CDYL2: variants seen among roughly 807,000 people sequenced by gnomAD.
CDYL2 encodes chromodomain Y-like protein 2.
Under a neutral mutation model 49.4 loss-of-function variants are expected in CDYL2, and 23 were observed. The observed-to-expected ratio is 0.47, with a 90% CI of 0.34 to 0.66. The LOEUF is 0.66. CDYL2 is among the 30% of genes least tolerant of loss of function. CDYL2 has a pLI of 0.01. For missense variants in CDYL2, 678 were observed against 656.4 expected, an observed-to-expected ratio of 1.03 and a Z score of -0.36; for synonymous variants, 360 against 268.8, an observed-to-expected ratio of 1.34 and a Z score of -3.32.
chr16:80,669,533 T>C (rs1267341554), intron 2 of CDYL2, among the ~76,000 whole-genome samples: 1 of 151,524 alleles, frequency 6.6e-6, no homozygotes, highest in African/African-American at 2.4e-5. Flanking sequence ...AACAGACAGG[T>C]GTAAGCGTGG....
At chr16:80,707,215 C>G (rs1026258776) in intron 1 of CDYL2, among the ~76,000 whole-genome samples, 1 of 152,134 alleles carries the variant, frequency 6.6e-6, no homozygotes, top group Non-Finnish European at 1.5e-5. Context: ...GTAATCTCAG[C>G]ACTTTGGGAG....
intron 1 of CDYL2, among the ~76,000 whole-genome samples, chr16:80,743,952 C>T (rs1374451360): frequency 6.6e-6 from 1 of 152,088 alleles, no homozygotes; most frequent in Non-Finnish European, 1.5e-5. Context: ...TTCCTCCTGC[C>T]TCTTCTGCTG....
intron 4 of CDYL2, among the ~76,000 whole-genome samples, chr16:80,618,240 T>A (rs1380538048): frequency 6.6e-6 from 1 of 152,194 alleles, no homozygotes; most frequent in Non-Finnish European, 1.5e-5. Context: ...CCAGAACTAC[T>A]CAGCTGGGAA....
chr16:80,791,519 C>A (rs1206190825), intron 1 of CDYL2, among the ~76,000 whole-genome samples: 1 of 152,086 alleles, frequency 6.6e-6, no homozygotes, highest in African/African-American at 2.4e-5. Flanking sequence ...AAAAGGGTTC[C>A]ACAGGAGCCC....
Position 80,685,118 on chromosome 16 carries a change from A to T in CDYL2, c.36T>A (p.Ile12=), listed in dbSNP as rs184795587. ...ASGDLYEVER[I]VDKRKNKKGK... is the part of the protein sequence containing the mutation. ...CTTTCTTGTTCTTCCTCTTGTCTACAATCCTTTCAACCTGCGATACAAGAT... is the reference window on the plus strand; with the variant it reads ...CTTTCTTGTTCTTCCTCTTGTCTACTATCCTTTCAACCTGCGATACAAGAT... The change falls in exon 2 of 7, where the codon ATT becomes ATA. Residue 12 remains isoleucine, a synonymous_variant. Transcript: ENST00000570137. The T allele has an allele frequency of 1.2e-6, 2 of 1,610,018 alleles. No individual in the cohort carries two copies. Among genetic ancestry groups the T allele is most frequent in the East Asian group, 2.2e-5 (1 of 44,832 alleles).
intron 1 of CDYL2, among the ~76,000 whole-genome samples, chr16:80,697,480 A>T (rs533705207): frequency 1.4e-4 from 21 of 152,296 alleles, no homozygotes; most frequent in African/African-American, 4.6e-4. Context: ...GAATCAGGAA[A>T]AGTTGGAAGC....
chr16:80,611,400 C>G (rs1188250439), intron 5 of CDYL2, among the ~76,000 whole-genome samples: 1 of 152,134 alleles, frequency 6.6e-6, no homozygotes, highest in African/African-American at 2.4e-5. Context: ...CCCATCAGAG[C>G]TGAATTCAGA....
chr16:80,715,677 T>C (rs942091649), intron 1 of CDYL2, among the ~76,000 whole-genome samples: 1 of 152,084 alleles, frequency 6.6e-6, no homozygotes, highest in African/African-American at 2.4e-5. Flanking sequence ...TTTAAAACCC[T>C]CCATTGCTCA....
chr16:80,739,897 A>G (rs1237123582), intron 1 of CDYL2, among the ~76,000 whole-genome samples: 1 of 152,176 alleles, frequency 6.6e-6, no homozygotes, highest in African/African-American at 2.4e-5. Flanking sequence ...GGCTATACCA[A>G]CAAAGCAGCC....
intron 2 of CDYL2, among the ~76,000 whole-genome samples, chr16:80,654,901 T>G (rs1015308748): frequency 1.3e-5 from 2 of 152,202 alleles, no homozygotes; most frequent in African/African-American, 2.4e-5. Context: ...ACAAGGCTTG[T>G]GTAGAGGGAG....
chr16:80,670,049 A>C (rs1909436427), intron 2 of CDYL2, among the ~76,000 whole-genome samples: 1 of 152,238 alleles, frequency 6.6e-6, no homozygotes, highest in African/African-American at 2.4e-5. Flanking sequence ...AACCTCATCA[A>C]GTAGCTCATG....
intron 1 of CDYL2, among the ~76,000 whole-genome samples, chr16:80,780,021 C>T (rs1006415288): frequency 3.3e-5 from 5 of 152,054 alleles, no homozygotes; most frequent in African/African-American, 7.2e-5. Flanking sequence ...CACATGAACA[C>T]CTATGACTGT....
chr16:80,614,463 T>A (rs983656370), intron 4 of CDYL2, among the ~76,000 whole-genome samples: 3 of 152,238 alleles, frequency 2.0e-5, no homozygotes, highest in African/African-American at 7.2e-5. Context: ...GAGTCACCAA[T>A]GGGAAGACAG....
At chr16:80,755,421 CAG>C (rs1430724249) in intron 1 of CDYL2, among the ~76,000 whole-genome samples, 3 of 152,166 alleles carry the variant, frequency 2.0e-5, no homozygotes, top group African/African-American at 7.2e-5. Flanking sequence ...AGTTTATCTG[CAG>C]AGAGACCTGA....
chr16:80,708,375 C>G (rs191579375), intron 1 of CDYL2, among the ~76,000 whole-genome samples: 19 of 152,300 alleles, frequency 1.2e-4, no homozygotes, highest in Non-Finnish European at 1.8e-4. Flanking sequence ...CACAAGCTCT[C>G]TTGCCTACCC....
In CDYL2 at chr16:80,612,640, G is replaced by T. The variant is rs186702168; in HGVS notation, c.1204C>A (p.Leu402Met). 70 of 1,609,582 alleles carry T rather than the reference G, an allele frequency of 4.3e-5. No homozygotes were observed. The Admixed American group carries it at 4.7e-4, about 11-fold the overall frequency. Reference protein sequence around the residue: ...GCSSYTFPQILGVALANEMLF... With the variant: ...GCSSYTFPQIMGVALANEMLF... ...AGGAGGCTTACCAGCGCGACGCCCA[G>T]GATCTGGGGGAAGGTGTAGGAGGAG... is the stretch of plus-strand genomic sequence containing the variant. The change falls in exon 5 of 7, where the codon CTG (leucine) becomes ATG (methionine). Residue 402 changes from leucine (L) to methionine (M), a missense_variant. By Grantham distance (15) the Leu-to-Met change is conservative (BLOSUM62 2). Transcript: ENST00000570137. This position sits in a 1 kb window ranked among gnomAD's most constrained non-coding sequence, Gnocchi z 5.0.
intron 5 of CDYL2, among the ~76,000 whole-genome samples, chr16:80,611,938 C>G (rs114438113): frequency 6.6e-6 from 1 of 152,210 alleles, no homozygotes; most frequent in Admixed American, 6.5e-5. Context: ...CCTGGTGACA[C>G]GACTTCTCTG....
Position 80,793,617 on chromosome 16 carries a change from A to G in CDYL2, c.24+10533T>C, listed in dbSNP as rs1907677179. On this transcript the variant is annotated intron_variant, in intron 1 of 6. Coordinates refer to ENST00000570137, the MANE Select transcript of CDYL2 (RefSeq NM_152342.4). ...CAGCAAAGTGCCACAAGCTTGGAAT[A>G]CAACCTTGGATAATACAGACATGGT... 2.0e-5 allele frequency among the ~76,000 whole-genome samples: 3 copies of G among 152,212 alleles called. No homozygotes were observed. In the South Asian group the frequency reaches 6.2e-4, roughly 32 times the overall value.
chr16:80,634,163 C>G lies in CDYL2; in HGVS notation c.617-927G>C, dbSNP rs182486720. 4.3e-4 allele frequency among the ~76,000 whole-genome samples: 66 copies of G among 151,904 alleles called. 1 individual carries two copies. Among genetic ancestry groups the G allele is most frequent in the Admixed American group, 4.2e-3 (64 of 15,274 alleles). On this transcript the variant is annotated intron_variant, in intron 2 of 6. Coordinates refer to ENST00000570137, the MANE Select transcript of CDYL2 (RefSeq NM_152342.4). ...TGAAAGAGGGGGCATCACTATTGAT[C>G]TTATAAATCATGCTACTATAAAGAC...
Sources: allele counts gnomAD v4.1 joint callset (sites outside exome capture counted in the v4.1 genomes callset), GRCh38; gene constraint gnomAD v4.1.1; non-coding constraint Gnocchi (gnomAD v3.1); transcripts MANE v1.5; gene names NCBI Gene and HGNC (gene_info 2026-07-23, HGNC 2026-07-21).